Variants in TENM3 observed in about 807,000 individuals in gnomAD.
TENM3 encodes the protein teneurin-3.
A neutral mutation model predicts 255.1 loss-of-function variants in TENM3; 63 were observed. That is an observed-to-expected ratio of 0.25 (90% CI 0.20 to 0.30). The LOEUF is 0.30. TENM3 is among the 10% of genes least tolerant of loss of function. TENM3 has a pLI of 1.00. For synonymous variants in TENM3, 1,306 were observed against 1,322.3 expected, an observed-to-expected ratio of 0.99 and a Z score of 0.27; for missense variants, 2,929 against 3,461.1, an observed-to-expected ratio of 0.85 and a Z score of 3.86.
intron 1 of TENM3, among the ~76,000 whole-genome samples, chr4:182,159,468 G>A (rs943612288): frequency 1.3e-5 from 2 of 151,750 alleles, no homozygotes; most frequent in African/African-American, 4.8e-5. Flanking sequence ...GTGTGTGTGT[G>A]TGTGTGTGTG....
chr4:181,904,977 T>A, the TENM3 span, among the ~76,000 whole-genome samples: 2 of 152,176 alleles, frequency 1.3e-5, no homozygotes, highest in Admixed American at 6.5e-5. Flanking sequence ...CTGCCATCCA[T>A]GTAAGATGTG....
chr4:182,031,489 T>C, the TENM3 span, among the ~76,000 whole-genome samples: 1 of 152,188 alleles, frequency 6.6e-6, no homozygotes, highest in African/African-American at 2.4e-5. Flanking sequence ...AGGGGCATGA[T>C]GCTTCCAGCT....
chr4:181,524,037 G>A, the TENM3 span, among the ~76,000 whole-genome samples: 3 of 152,002 alleles, frequency 2.0e-5, no homozygotes, highest in Non-Finnish European at 2.9e-5. Context: ...TACGTGGCTC[G>A]CTGTTATAGA....
At chr4:182,055,189 A>G in the TENM3 span, among the ~76,000 whole-genome samples, 1 of 152,034 alleles carries the variant, frequency 6.6e-6, no homozygotes, top group African/African-American at 2.4e-5. Flanking sequence ...CCTACAAAAA[A>G]TACAAACATT....
the TENM3 span, among the ~76,000 whole-genome samples, chr4:181,577,660 C>A: frequency 1.3e-5 from 2 of 152,158 alleles, no homozygotes; most frequent in South Asian, 4.1e-4. Context: ...TGATGATACA[C>A]TGACTGCCTC....
intron 1 of TENM3, among the ~76,000 whole-genome samples, chr4:182,158,624 T>C (rs545012359): frequency 2.0e-5 from 3 of 152,294 alleles, no homozygotes; most frequent in Admixed American, 6.5e-5. Flanking sequence ...GAATTACTCA[T>C]GGCAGGGAGG....
intron 3 of TENM3, among the ~76,000 whole-genome samples, chr4:182,370,195 A>G (rs1008756301): frequency 1.3e-5 from 2 of 152,234 alleles, no homozygotes; most frequent in Admixed American, 1.3e-4. Flanking sequence ...TGCAAAGCAT[A>G]AAAATCCAGG....
intron 6 of TENM3, among the ~76,000 whole-genome samples, chr4:182,656,910 C>A (rs565350320): frequency 6.6e-6 from 1 of 152,242 alleles, no homozygotes; most frequent in African/African-American, 2.4e-5. Context: ...TTCCTGAGAC[C>A]TTCTTTGCCT....
At chr4:182,368,716 T>A (rs1766591398) in intron 3 of TENM3, among the ~76,000 whole-genome samples, 1 of 152,134 alleles carries the variant, frequency 6.6e-6, no homozygotes, top group Non-Finnish European at 1.5e-5. Flanking sequence ...AGGTGAAGGT[T>A]TGTTCTTTAA....
chr4:182,036,457 C>T, the TENM3 span, among the ~76,000 whole-genome samples: 1 of 150,256 alleles, frequency 6.7e-6, no homozygotes, highest in Non-Finnish European at 1.5e-5. Context: ...TCCCAAAGTG[C>T]TAGGATTACA....
At chr4:182,290,123 C>T (rs963794601) in intron 1 of TENM3, among the ~76,000 whole-genome samples, 2 of 152,324 alleles carry the variant, frequency 1.3e-5, no homozygotes, top group African/African-American at 4.8e-5. Flanking sequence ...CTTCCTGTGT[C>T]GCTGTGGACT....
chr4:182,078,890 A>C, the TENM3 span, among the ~76,000 whole-genome samples: 1 of 152,162 alleles, frequency 6.6e-6, no homozygotes, highest in Admixed American at 6.5e-5. Flanking sequence ...TGTTGGAAGG[A>C]AGAGAGAGTT....
chr4:182,775,162 G>A lies in TENM3; in HGVS notation c.5304+9G>A, dbSNP rs376898593. The stretch of plus-strand genomic sequence containing the variant: ...TTGGCCGCAAGCTCAGGGTACGTAC[G>A]TGTTGTGGAGCAGGAGATAGCTGCA... On this transcript the variant is annotated intron_variant, in intron 24 of 27. Coordinates refer to ENST00000511685, the MANE Select transcript of TENM3 (RefSeq NM_001080477.4). 5.6e-6 allele frequency: 9 copies of A among 1,612,616 alleles called. No homozygotes were observed. Among genetic ancestry groups the A allele is most frequent in the African/African-American group, 5.3e-5 (4 of 74,910 alleles).
At chr4:181,912,475 C>T in the TENM3 span, among the ~76,000 whole-genome samples, 1 of 152,044 alleles carries the variant, frequency 6.6e-6, no homozygotes, top group Admixed American at 6.6e-5. Context: ...CAGGAAGAAG[C>T]AACATGAGAG....
At chr4:182,086,300 C>T in the TENM3 span, among the ~76,000 whole-genome samples, 1 of 152,160 alleles carries the variant, frequency 6.6e-6, no homozygotes, top group Non-Finnish European at 1.5e-5. Context: ...TAAGAAGTCA[C>T]CCTCAAAACC....
the TENM3 span, among the ~76,000 whole-genome samples, chr4:181,898,467 G>A: frequency 1.3e-5 from 2 of 152,140 alleles, no homozygotes; most frequent in African/African-American, 2.4e-5. Flanking sequence ...ATAAAGGAAA[G>A]GAAAGTGAAG....
chr4:182,357,875 A>G (rs1047389247), intron 3 of TENM3, among the ~76,000 whole-genome samples: 2 of 151,864 alleles, frequency 1.3e-5, no homozygotes, highest in Non-Finnish European at 1.5e-5. Context: ...TCTTTAATCC[A>G]TCTTGAATTG....
At chr4:181,992,033 GC>G in the TENM3 span, among the ~76,000 whole-genome samples, 1 of 152,190 alleles carries the variant, frequency 6.6e-6, no homozygotes, top group East Asian at 1.9e-4. Flanking sequence ...TGGAGATCTG[GC>G]TTCATTATTA....
chr4:181,926,847 G>A, the TENM3 span, among the ~76,000 whole-genome samples: 1 of 151,814 alleles, frequency 6.6e-6, no homozygotes, highest in Non-Finnish European at 1.5e-5. Flanking sequence ...GACAGTGGGT[G>A]CAGACCACGG....
Sources: allele counts gnomAD v4.1 joint callset (sites outside exome capture counted in the v4.1 genomes callset), GRCh38; gene constraint gnomAD v4.1.1; transcripts MANE v1.5; gene names NCBI Gene and HGNC (gene_info 2026-07-23, HGNC 2026-07-21).